The following CUX2 variants were observed in gnomAD, a reference collection of about 807,000 sequenced individuals.
The protein encoded by CUX2 is homeobox protein cut-like 2.
CUX2 carries 40 observed loss-of-function variants against 144.8 expected under a neutral mutation model. That is an observed-to-expected ratio of 0.28 (90% CI 0.21 to 0.36). The LOEUF (loss-of-function observed/expected upper bound fraction) is 0.36. Among genes scored for constraint, CUX2 ranks in the 10% least tolerant of loss-of-function variants. The pLI, the probability that CUX2 is intolerant of heterozygous loss-of-function variation, is 1.00. For missense variants in CUX2, 1,615 were observed against 1,994.0 expected, an observed-to-expected ratio of 0.81 and a Z score of 3.62; for synonymous variants, 827 against 875.6, an observed-to-expected ratio of 0.94 and a Z score of 0.98.
At chr12:111,134,620 C>CTCTCTCTGTGTGTGTGTG (rs1026548098) in intron 1 of CUX2, among the ~76,000 whole-genome samples, 15 of 142,128 alleles carry the variant, frequency 1.1e-4, no homozygotes, top group African/African-American at 4.2e-4. Context: ...CTCTCTCTCT[C>CTCTCTCTGTGTGTGTGTG]TGTGTGTGTG....
intron 1 of CUX2, among the ~76,000 whole-genome samples, chr12:111,144,667 G>C (rs1279845029): frequency 6.6e-6 from 1 of 152,208 alleles, no homozygotes; most frequent in South Asian, 2.1e-4. Flanking sequence ...CAAGCATCCA[G>C]CTTGAAATTC....
chr12:111,112,482 C>T (rs774534792), intron 1 of CUX2, among the ~76,000 whole-genome samples: 2 of 152,064 alleles, frequency 1.3e-5, no homozygotes, highest in African/African-American at 4.8e-5. Flanking sequence ...CTCTCTTAAG[C>T]GGCGTTCTGG....
intron 4 of CUX2, among the ~76,000 whole-genome samples, chr12:111,280,445 G>C (rs554580768): frequency 1.3e-5 from 2 of 152,284 alleles, no homozygotes; most frequent in African/African-American, 4.8e-5. Context: ...GCCTTGGAGA[G>C]AGCATGGCCC....
chr12:111,310,250 C>T lies in CUX2; in HGVS notation c.1468C>T (p.Leu490=). Residue 490 remains leucine, a synonymous_variant, in exon 15 of 22, where the codon CTG becomes TTG. Transcript: ENST00000261726. The surrounding 1 kb of genome is among the most constrained non-coding windows in gnomAD (Gnocchi z 7.9). The part of the protein sequence containing the change: ...PFPSLASGER[L]MMPPAAFKGE... ...CCCCAGCCTGGCATCAGGGGAGAGA[C>T]TGATGATGCCCCCAGCCGCCTTCAA... 6.6e-7 allele frequency: 1 copy of T among 1,508,520 alleles called. No individual in the cohort carries two copies. 93.4% of individuals were successfully genotyped at this position (1,508,520 alleles called of 1,614,324 possible).
At chr12:111,122,014 C>T (rs1431374998) in intron 1 of CUX2, among the ~76,000 whole-genome samples, 1 of 152,134 alleles carries the variant, frequency 6.6e-6, no homozygotes, top group African/African-American at 2.4e-5. Context: ...CTCCATCCCT[C>T]ATGCAGTCCC....
chr12:111,098,399 C>CAAAA (rs537665407), intron 1 of CUX2, among the ~76,000 whole-genome samples: 152 of 85,158 alleles, frequency 1.8e-3, no homozygotes, highest in African/African-American at 5.9e-3. Context: ...GACTTCGTCT[C>CAAAA]AAAAAAAAAA....
At chr12:111,253,340 C>T (rs1010276569) in intron 3 of CUX2, among the ~76,000 whole-genome samples, 1 of 150,880 alleles carries the variant, frequency 6.6e-6, no homozygotes, top group Non-Finnish European at 1.5e-5. Flanking sequence ...TCTTCCCCTT[C>T]GTCTACCATC....
intron 1 of CUX2, among the ~76,000 whole-genome samples, chr12:111,123,828 G>C (rs780437638): frequency 6.6e-6 from 1 of 152,154 alleles, no homozygotes; most frequent in Non-Finnish European, 1.5e-5. Context: ...GAGCCACCGC[G>C]CCCAGACAAA....
chr12:111,218,315 ACCAGCC>A (rs1267146215), intron 3 of CUX2, among the ~76,000 whole-genome samples: 2 of 152,046 alleles, frequency 1.3e-5, no homozygotes, highest in African/African-American at 4.8e-5. Context: ...GAAGTTCAAG[ACCAGCC>A]TAGGCAGCAT....
At position 111,039,919 on chromosome 12, in the gene CUX2, G is replaced by A. The variant is rs1323883366; in HGVS notation, c.63+5679G>A. Among the ~76,000 whole-genome samples, 1 of 152,174 alleles carries A rather than the reference G, an allele frequency of 6.6e-6. No individual in the cohort carries two copies. Among genetic ancestry groups the A allele is most frequent in the African/African-American group, 2.4e-5 (1 of 41,442 alleles). On this transcript the variant is annotated intron_variant, in intron 1 of 21. Transcript: ENST00000261726. The surrounding 1 kb of genome is among the most constrained non-coding windows in gnomAD (Gnocchi z 4.2). The stretch of plus-strand genomic sequence containing the variant: ...AACAAAAAATTATGTCTAGGATGGA[G>A]TTATTTGGTTTCTAAGCCTCAGTGA...
At position 111,310,542 on chromosome 12, in the gene CUX2, C is replaced by T. The variant is rs753438647; in HGVS notation, c.1760C>T (p.Ser587Leu). 1.2e-6 allele frequency: 2 copies of T among 1,614,052 alleles called. No individual in the cohort carries two copies. The highest frequency in any genetic ancestry group is 3.3e-5 in the Admixed American group (2 of 60,028). ...TACGTGCTGGGGCTGTCGCAGGGCT[C>T]GGTCAGCGAGATCCTAGCCCGGCCC... ...GHYVLGLSQG[S>L]VSEILARPKP... The change falls in exon 15 of 22, where the codon TCG becomes TTG. Residue 587 changes from serine (S) to leucine (L), a missense_variant. Transcript: ENST00000261726. This position sits in a 1 kb window ranked among gnomAD's most constrained non-coding sequence, Gnocchi z 7.9.
At chr12:111,082,772 C>A (rs2136044390) in intron 1 of CUX2, among the ~76,000 whole-genome samples, 2 of 152,262 alleles carry the variant, frequency 1.3e-5, no homozygotes, top group Middle Eastern at 6.8e-3. Flanking sequence ...GAGGGGAAGG[C>A]ATGGCCACAC....
intron 1 of CUX2, among the ~76,000 whole-genome samples, chr12:111,042,270 G>A (rs1158252257): frequency 2.6e-5 from 4 of 152,106 alleles, no homozygotes; most frequent in East Asian, 1.9e-4. Flanking sequence ...TGGGTGTTGC[G>A]GATCCGGAGA....
chr12:111,169,306 G>A (rs977083197), intron 1 of CUX2, among the ~76,000 whole-genome samples: 8 of 152,108 alleles, frequency 5.3e-5, no homozygotes, highest in Non-Finnish European at 8.8e-5. Context: ...AGCCTGCAGA[G>A]TGAGCGCAGC....
intron 18 of CUX2, among the ~76,000 whole-genome samples, chr12:111,330,749 A>G (rs1158126132): frequency 1.8e-5 from 2 of 109,986 alleles, no homozygotes; most frequent in African/African-American, 6.0e-5. Flanking sequence ...ATATATATAT[A>G]TAAAGAGAGA....
rs113428710 is a variant in CUX2 at position 111,157,132 on chromosome 12, G to A, written c.64-57068G>A. Reference sequence around the variant, plus strand: ...CTTCATTCCCAAATAGTCAGAGATGGGTAGAATCGCCCAGTATCAGAACAG... The same window carrying A: ...CTTCATTCCCAAATAGTCAGAGATGAGTAGAATCGCCCAGTATCAGAACAG... On this transcript the variant is annotated intron_variant, in intron 1 of 21. Coordinates refer to ENST00000261726, the MANE Select transcript of CUX2 (RefSeq NM_015267.4). Among the ~76,000 whole-genome samples, 450 of 151,066 alleles carry A rather than the reference G, an allele frequency of 3.0e-3. 2 individuals carry two copies. Among genetic ancestry groups the A allele is most frequent in the South Asian group, 0.015 (72 of 4,706 alleles).
At chr12:111,175,365 C>G (rs1162823543) in intron 1 of CUX2, among the ~76,000 whole-genome samples, 2 of 104,578 alleles carry the variant, frequency 1.9e-5, no homozygotes, top group Admixed American at 2.1e-4. Context: ...TTTTTTTACA[C>G]TTTTCCACAA....
At chr12:111,330,739 AT>A (rs1951204774) in intron 18 of CUX2, among the ~76,000 whole-genome samples, 2 of 98,006 alleles carry the variant, frequency 2.0e-5, no homozygotes, top group African/African-American at 3.3e-5. Context: ...ATATATATAT[AT>A]ATATATATAT....
At chr12:111,288,617 A>C (rs1048051551) in intron 4 of CUX2, among the ~76,000 whole-genome samples, 22 of 152,070 alleles carry the variant, frequency 1.4e-4, no homozygotes, top group Non-Finnish European at 2.6e-4. Context: ...ACCTGAGGTC[A>C]GGAGTTCGAG....
Sources: gnomAD v4.1 joint callset for allele counts (sites outside exome capture counted in the v4.1 genomes callset) on GRCh38, gnomAD v4.1.1 for gene constraint, Gnocchi (gnomAD v3.1) non-coding constraint, MANE v1.5 for transcripts, NCBI Gene and HGNC (gene_info 2026-07-23, HGNC 2026-07-21) for gene names.